RIMS2: variants seen among roughly 807,000 people sequenced by gnomAD.
The protein encoded by RIMS2 is regulating synaptic membrane exocytosis protein 2.
A neutral mutation model predicts 174.4 loss-of-function variants in RIMS2; 59 were observed. That is an observed-to-expected ratio of 0.34 (90% CI 0.27 to 0.42). The LOEUF (loss-of-function observed/expected upper bound fraction) is 0.42. RIMS2 is among the 10% of genes least tolerant of loss of function. RIMS2 has a pLI of 1.00. For synonymous variants in RIMS2, 606 were observed against 572.5 expected, an observed-to-expected ratio of 1.06 and a Z score of -0.84; for missense variants, 1,620 against 1,666.3, an observed-to-expected ratio of 0.97 and a Z score of 0.48.
At chr8:103,998,648 T>C (rs978111719) in intron 17 of RIMS2, among the ~76,000 whole-genome samples, 2 of 151,850 alleles carry the variant, frequency 1.3e-5, no homozygotes, top group South Asian at 2.1e-4. Context: ...CTTTCCCACC[T>C]CCAGAGTAGA....
intron 19 of RIMS2, among the ~76,000 whole-genome samples, chr8:104,115,684 C>T (rs2098268048): frequency 6.6e-6 from 1 of 152,046 alleles, no homozygotes; most frequent in South Asian, 2.1e-4. Flanking sequence ...GGAACTCAAA[C>T]TTAAAGACCT....
At chr8:103,974,770 G>A (rs2093266096) in intron 15 of RIMS2, among the ~76,000 whole-genome samples, 1 of 152,114 alleles carries the variant, frequency 6.6e-6, no homozygotes, top group Non-Finnish European at 1.5e-5. Flanking sequence ...CGGGCCTGTA[G>A]TCCCAGCTAC....
intron 3 of RIMS2, among the ~76,000 whole-genome samples, chr8:103,793,474 A>G (rs553381761): frequency 6.6e-6 from 1 of 152,350 alleles, no homozygotes; most frequent in East Asian, 1.9e-4. Flanking sequence ...AGCCAATATC[A>G]TACTGAATGG....
At chr8:103,783,210 C>T (rs76481759) in intron 3 of RIMS2, among the ~76,000 whole-genome samples, 23,907 of 151,868 alleles carry the variant, frequency 0.16, 1,991 homozygotes, top group Middle Eastern at 0.25. Context: ...TTAGGGGCTA[C>T]CCAGTGTTCC....
chr8:104,148,871 T>G lies in RIMS2; in HGVS notation c.3335-96045T>G, dbSNP rs774507803. On this transcript the variant is annotated intron_variant, in intron 19 of 23. Transcript: ENST00000504942. ...CGGGTAGGAATTTCAATGTTACTTT[T>G]AACTTGATATTTGAGTTGTCATTAC... 12 of 1,589,866 alleles carry G rather than the reference T, an allele frequency of 7.5e-6. No individual in the cohort carries two copies. The Admixed American group carries it at 1.0e-4, about 13-fold the overall frequency.
intron 4 of RIMS2, among the ~76,000 whole-genome samples, chr8:103,888,573 T>C (rs1249063317): frequency 6.6e-6 from 1 of 151,566 alleles, no homozygotes; most frequent in Non-Finnish European, 1.5e-5. Context: ...TTTGCTAAAG[T>C]AATGCCTTCA....
chr8:103,659,316 A>G (rs767704744), intron 1 of RIMS2, among the ~76,000 whole-genome samples: 5 of 152,262 alleles, frequency 3.3e-5, no homozygotes, highest in South Asian at 2.1e-4. Flanking sequence ...CAAGACCCCA[A>G]TCAGCCTTCT....
At chr8:103,646,314 T>G (rs947669361) in intron 1 of RIMS2, among the ~76,000 whole-genome samples, 3 of 151,320 alleles carry the variant, frequency 2.0e-5, no homozygotes, top group Non-Finnish European at 4.4e-5. Flanking sequence ...GAGGTAGAAG[T>G]TTTTTTTTAG....
intron 17 of RIMS2, among the ~76,000 whole-genome samples, chr8:104,001,914 A>T (rs1214274205): frequency 6.6e-6 from 1 of 152,028 alleles, no homozygotes; most frequent in Non-Finnish European, 1.5e-5. Context: ...ATATCATTTT[A>T]TTCACGGATG....
chr8:103,828,080 T>C (rs973302994), intron 3 of RIMS2, among the ~76,000 whole-genome samples: 1 of 152,186 alleles, frequency 6.6e-6, no homozygotes, highest in African/African-American at 2.4e-5. Context: ...ATTTTATATA[T>C]TGCTGGTGTA....
chr8:104,194,078 C>T (rs143443599), intron 19 of RIMS2, among the ~76,000 whole-genome samples: 6 of 152,132 alleles, frequency 3.9e-5, no homozygotes, highest in African/African-American at 1.2e-4. Flanking sequence ...ACAATGGCTA[C>T]GTTATTTTTC....
At chr8:103,584,751 G>C (rs2093813166) in intron 1 of RIMS2, among the ~76,000 whole-genome samples, 1 of 152,032 alleles carries the variant, frequency 6.6e-6, no homozygotes, top group African/African-American at 2.4e-5. Context: ...AAAATAAAAA[G>C]CAAGAAACTA....
At chr8:103,807,494 A>G (rs1361930202) in intron 3 of RIMS2, among the ~76,000 whole-genome samples, 1 of 152,162 alleles carries the variant, frequency 6.6e-6, no homozygotes, top group African/African-American at 2.4e-5. Flanking sequence ...TCTTCAAGAA[A>G]TTTTGCTGTG....
chr8:104,016,398 A>G (rs908307381), intron 19 of RIMS2, among the ~76,000 whole-genome samples: 11 of 152,058 alleles, frequency 7.2e-5, no homozygotes, highest in Admixed American at 2.6e-4. Context: ...TTATACCCTT[A>G]TATAACTTGT....
At chr8:104,224,627 T>C (rs191289518) in intron 19 of RIMS2, among the ~76,000 whole-genome samples, 7 of 152,334 alleles carry the variant, frequency 4.6e-5, no homozygotes, top group Admixed American at 4.6e-4. Context: ...AGGTTCGTTA[T>C]CATGATGTTA....
At chr8:104,239,580 C>G (rs898389395) in intron 19 of RIMS2, among the ~76,000 whole-genome samples, 1 of 151,978 alleles carries the variant, frequency 6.6e-6, no homozygotes, top group Non-Finnish European at 1.5e-5. Context: ...TATGTGTATA[C>G]TTTTTTAAAT....
chr8:103,790,576 G>T (rs2098487318), intron 3 of RIMS2, among the ~76,000 whole-genome samples: 1 of 151,940 alleles, frequency 6.6e-6, no homozygotes, highest in Non-Finnish European at 1.5e-5. Context: ...CTTTTTGTGT[G>T]GACATATGTT....
chr8:103,653,716 C>G (rs1262601288), intron 1 of RIMS2, among the ~76,000 whole-genome samples: 2 of 152,032 alleles, frequency 1.3e-5, no homozygotes, highest in African/African-American at 4.8e-5. Context: ...TTTTATGCTA[C>G]TTTGCATACA....
At chr8:104,231,803 C>T (rs1280044259) in intron 19 of RIMS2, among the ~76,000 whole-genome samples, 1 of 152,182 alleles carries the variant, frequency 6.6e-6, no homozygotes, top group African/African-American at 2.4e-5. Context: ...CTATCTACTA[C>T]ATGAGGTATT....
Sources: gnomAD v4.1 joint callset for allele counts (sites outside exome capture counted in the v4.1 genomes callset) on GRCh38, gnomAD v4.1.1 for gene constraint, MANE v1.5 for transcripts, NCBI Gene and HGNC (gene_info 2026-07-23, HGNC 2026-07-21) for gene names.